TMEM132B: variants seen among roughly 807,000 people sequenced by gnomAD.
The protein encoded by TMEM132B is transmembrane protein 132B.
Under a neutral mutation model 90.8 loss-of-function variants are expected in TMEM132B, and 18 were observed. The ratio of observed to expected loss-of-function variants is 0.20; its 90% confidence interval spans 0.14 to 0.29. The LOEUF (loss-of-function observed/expected upper bound fraction) is 0.29. Ranked by LOEUF, TMEM132B falls within the 10% of genes least tolerant of loss-of-function variation. The probability of loss-of-function intolerance (pLI) is 1.00; values close to 1 mark genes in which losing one functional copy is unlikely to be tolerated. For synonymous variants in TMEM132B, 504 were observed against 523.3 expected, an observed-to-expected ratio of 0.96 and a Z score of 0.50; for missense variants, 1,096 against 1,326.8, an observed-to-expected ratio of 0.83 and a Z score of 2.70.
chr12:125,447,175 A>T (rs79779040), intron 3 of TMEM132B, among the ~76,000 whole-genome samples: 3,668 of 152,190 alleles, frequency 0.024, 64 homozygotes, highest in Non-Finnish European at 0.038. Flanking sequence ...TAATTGGCAT[A>T]TGTTGTTTAT....
intron 5 of TMEM132B, among the ~76,000 whole-genome samples, chr12:125,631,023 C>T (rs1886357480): frequency 6.6e-6 from 1 of 152,062 alleles, no homozygotes; most frequent in African/African-American, 2.4e-5. Context: ...CTGTTCTCTA[C>T]TAACTTTGGG....
chr12:125,560,270 G>A (rs1010676913), intron 4 of TMEM132B, among the ~76,000 whole-genome samples: 3 of 152,186 alleles, frequency 2.0e-5, no homozygotes, highest in Non-Finnish European at 4.4e-5. Context: ...AGAATGAAGT[G>A]GTCCTAGCGA....
chr12:125,536,217 T>G (rs1387879763), intron 4 of TMEM132B, among the ~76,000 whole-genome samples: 2 of 152,234 alleles, frequency 1.3e-5, no homozygotes, highest in Non-Finnish European at 2.9e-5. Flanking sequence ...GACAGACTGC[T>G]GCACAGAGTT....
chr12:125,406,324 C>T lies in TMEM132B; in HGVS notation c.960-9207C>T, dbSNP rs576882486. ...GGAAGCAGAAGCGATACTACCCCTG[C>T]GGGGTTGCACGAGGCATCTGTGTAT... On this transcript the variant is annotated intron_variant, in intron 2 of 8. Transcript: ENST00000682704. This position sits in a 1 kb window ranked among gnomAD's most constrained non-coding sequence, Gnocchi z 8.3. Among the ~76,000 whole-genome samples the T allele has an allele frequency of 1.8e-4, 28 of 152,328 alleles. No homozygotes were observed. Among genetic ancestry groups the T allele is most frequent in the South Asian group, 4.1e-4 (2 of 4,826 alleles).
chr12:125,600,543 T>G (rs1215977537), intron 5 of TMEM132B, among the ~76,000 whole-genome samples: 1 of 152,238 alleles, frequency 6.6e-6, no homozygotes, highest in African/African-American at 2.4e-5. Flanking sequence ...CCACAGCATC[T>G]AATCCTGGGC....
chr12:125,243,032 T>TATATATATATATAC (rs1215676534), intron 1 of TMEM132B, among the ~76,000 whole-genome samples: 15 of 135,006 alleles, frequency 1.1e-4, no homozygotes, highest in African/African-American at 4.1e-4. Flanking sequence ...TATATATATA[T>TATATATATATATAC]ACACACACAC....
chr12:125,369,113 C>T (rs1277551652), intron 2 of TMEM132B, among the ~76,000 whole-genome samples: 1 of 151,682 alleles, frequency 6.6e-6, no homozygotes, highest in Non-Finnish European at 1.5e-5. Context: ...TGAGTGAGAA[C>T]ATGTGGTGTT....
chr12:125,578,103 G>A (rs924667344), intron 4 of TMEM132B, among the ~76,000 whole-genome samples: 3 of 152,086 alleles, frequency 2.0e-5, no homozygotes, highest in Non-Finnish European at 2.9e-5. Flanking sequence ...TTCTATAGAT[G>A]TCTGTTATGT....
intron 5 of TMEM132B, among the ~76,000 whole-genome samples, chr12:125,633,485 A>G (rs145534197): frequency 2.0e-5 from 3 of 152,214 alleles, no homozygotes; most frequent in African/African-American, 7.2e-5. Context: ...ATACTTGTAG[A>G]TGTTTAAATG....
intron 4 of TMEM132B, among the ~76,000 whole-genome samples, chr12:125,576,678 G>T (rs1593002234): frequency 6.6e-6 from 1 of 152,104 alleles, no homozygotes; most frequent in East Asian, 1.9e-4. Flanking sequence ...ATTAAAAGGT[G>T]TTGGATTTTG....
At chr12:125,291,011 C>T (rs914795566) in intron 1 of TMEM132B, among the ~76,000 whole-genome samples, 4 of 152,146 alleles carry the variant, frequency 2.6e-5, no homozygotes, top group Non-Finnish European at 5.9e-5. Flanking sequence ...CCACTTAATC[C>T]TTCCCCGTCC....
chr12:125,298,673 C>CAAA (rs36048797), intron 1 of TMEM132B, among the ~76,000 whole-genome samples: 1,054 of 104,686 alleles, frequency 0.01, 13 homozygotes, highest in Non-Finnish European at 0.015. Flanking sequence ...GACTCTGTCT[C>CAAA]AAAAAAAAAA....
In TMEM132B at chr12:125,298,834, T is replaced by C. The variant is rs941155476; in HGVS notation, c.68-50618T>C. Among the ~76,000 whole-genome samples the C allele has an allele frequency of 3.0e-4, 45 of 150,928 alleles. 1 individual carries two copies. Among genetic ancestry groups the C allele is most frequent in the African/African-American group, 8.3e-4 (34 of 41,210 alleles). On this transcript the variant is annotated intron_variant, in intron 1 of 8. Transcript: ENST00000682704. ...CTGCAAGCTCTGCCTCCTGGGTTCA[T>C]GCCATTCTCCTGCCTCAGCCTCCCG...
At chr12:125,632,293 A>AC (rs1886383915) in intron 5 of TMEM132B, among the ~76,000 whole-genome samples, 1 of 148,594 alleles carries the variant, frequency 6.7e-6, no homozygotes, top group Admixed American at 7.3e-5. Context: ...CATTAACATC[A>AC]TCCCCCCACT....
In TMEM132B at chr12:125,277,553, T is replaced by C. The variant is rs894195197; in HGVS notation, c.68-71899T>C. Among the ~76,000 whole-genome samples the C allele has an allele frequency of 7.8e-6, 1 of 128,134 alleles. No individual in the cohort carries two copies. The allele number at this position is 128,134 out of a possible 152,430, so 84.1% of individuals were successfully genotyped here. On this transcript the variant is annotated intron_variant, in intron 1 of 8. Coordinates refer to ENST00000682704, the MANE Select transcript of TMEM132B (RefSeq NM_001366854.1). This position sits in a 1 kb window ranked among gnomAD's most constrained non-coding sequence, Gnocchi z 4.3. ...CATACACACACACACGGGAAGGCCA[T>C]GTGAAGATGCAGCAGAGATTGGAGT...
At chr12:125,294,487 T>A (rs145760699) in intron 1 of TMEM132B, among the ~76,000 whole-genome samples, 6 of 152,362 alleles carry the variant, frequency 3.9e-5, no homozygotes, top group African/African-American at 1.4e-4. Context: ...GGTAGAAAAT[T>A]TAAAACAACC....
intron 2 of TMEM132B, among the ~76,000 whole-genome samples, chr12:125,365,975 G>A (rs1162082539): frequency 1.3e-5 from 2 of 151,682 alleles, no homozygotes; most frequent in Non-Finnish European, 2.9e-5. Flanking sequence ...TCCATCTACT[G>A]TATTTTTGTA....
At chr12:125,567,846 G>T (rs1258205487) in intron 4 of TMEM132B, among the ~76,000 whole-genome samples, 1 of 152,152 alleles carries the variant, frequency 6.6e-6, no homozygotes, top group Admixed American at 6.5e-5. Flanking sequence ...CTAATTGAAG[G>T]AGTGCTAGTA....
At chr12:125,524,165 AC>A (rs1038327562) in intron 4 of TMEM132B, among the ~76,000 whole-genome samples, 4 of 152,238 alleles carry the variant, frequency 2.6e-5, no homozygotes, top group African/African-American at 9.6e-5. Flanking sequence ...AAGCAAGAGT[AC>A]CTCTTCTGTC....
Sources: allele counts gnomAD v4.1 joint callset (sites outside exome capture counted in the v4.1 genomes callset), GRCh38; gene constraint gnomAD v4.1.1; non-coding constraint Gnocchi (gnomAD v3.1); transcripts MANE v1.5; gene names NCBI Gene and HGNC (gene_info 2026-07-23, HGNC 2026-07-21).